AUTS2: variants seen among roughly 807,000 people sequenced by gnomAD.
AUTS2 encodes the protein autism susceptibility gene 2 protein.
In AUTS2, 17 loss-of-function variants were observed where a neutral mutation model predicts 112.4. That is an observed-to-expected ratio of 0.15 (90% CI 0.10 to 0.23). The LOEUF (loss-of-function observed/expected upper bound fraction) is 0.23, where lower values mean the gene tolerates loss of function less well. Ranked by LOEUF, AUTS2 falls within the 10% of genes least tolerant of loss-of-function variation. The pLI is 1.00. For synonymous variants in AUTS2, 751 were observed against 702.7 expected (o/e 1.07, Z -1.09); for missense variants, 1,510 against 1,701.6 (o/e 0.89, Z 1.98).
intron 5 of AUTS2, chr7:70,596,147 GGCGGGCCGGGGCGCTCC>G (rs1374421109): frequency 6.5e-6 from 1 of 152,848 alleles, no homozygotes; most frequent in African/African-American, 2.4e-5. Flanking sequence ...TGAGGAGCGA[GGCGGGCCGGGGCGCTCC>G]GCGGGCCGGG....
At position 69,613,883 on chromosome 7, in the gene AUTS2, A is replaced by G. The variant is rs1474550346; in HGVS notation, c.309+13921A>G. Among the ~76,000 whole-genome samples, 3 of 152,318 alleles carry G rather than the reference A, an allele frequency of 2.0e-5. No homozygotes were observed. The East Asian group carries it at 5.8e-4, about 29-fold the overall frequency. On this transcript the variant is annotated intron_variant, in intron 1 of 18. Transcript: ENST00000342771. ...TTTTCTTGATATCTGTATCTTGAAGATACCAGGTGACAAATAGTCCATTGA... is the reference window on the plus strand; with the variant it reads ...TTTTCTTGATATCTGTATCTTGAAGGTACCAGGTGACAAATAGTCCATTGA...
intron 2 of AUTS2, among the ~76,000 whole-genome samples, chr7:69,994,756 C>T (rs577040841): frequency 6.6e-6 from 1 of 152,316 alleles, no homozygotes; most frequent in African/African-American, 2.4e-5. Context: ...TCCCCAGGTA[C>T]ACTTTCTTGC....
chr7:69,868,025 T>C (rs1793313298), intron 1 of AUTS2, among the ~76,000 whole-genome samples: 2 of 152,220 alleles, frequency 1.3e-5, no homozygotes, highest in South Asian at 4.1e-4. Context: ...CATAGGCATA[T>C]ATTTGAAATA....
At chr7:70,746,304 C>T (rs1246772063) in intron 6 of AUTS2, among the ~76,000 whole-genome samples, 1 of 152,106 alleles carries the variant, frequency 6.6e-6, no homozygotes, top group Admixed American at 6.6e-5. Flanking sequence ...TGCCACCAGG[C>T]TGGGCTGATT....
intron 2 of AUTS2, among the ~76,000 whole-genome samples, chr7:70,034,947 T>G (rs1300064363): frequency 2.6e-5 from 4 of 152,172 alleles, no homozygotes; most frequent in Admixed American, 2.6e-4. Context: ...TCCTCTCACC[T>G]TAGCTTTCCA....
intron 1 of AUTS2, among the ~76,000 whole-genome samples, chr7:69,705,129 A>G (rs757043686): frequency 3.5e-4 from 54 of 152,240 alleles, no homozygotes; most frequent in Non-Finnish European, 6.2e-4. Context: ...GGCCTCCCAC[A>G]GTGTTGGGAT....
intron 5 of AUTS2, among the ~76,000 whole-genome samples, chr7:70,591,640 T>C (rs1371082989): frequency 1.0e-3 from 152 of 152,122 alleles, no homozygotes; most frequent in African/African-American, 3.4e-3. Context: ...CTCAAGTGAT[T>C]CTCCCGCCTC....
intron 5 of AUTS2, among the ~76,000 whole-genome samples, chr7:70,515,819 A>G (rs1799393843): frequency 6.6e-6 from 1 of 152,202 alleles, no homozygotes; most frequent in Non-Finnish European, 1.5e-5. Context: ...AAATGTTAAG[A>G]GGAAACTGTT....
intron 4 of AUTS2, among the ~76,000 whole-genome samples, chr7:70,347,879 C>A (rs1414926473): frequency 3.3e-5 from 5 of 152,184 alleles, no homozygotes. Context: ...AGGACTGTAT[C>A]CTTAAACCAC....
rs143567870 is a variant in AUTS2, at chr7:69,727,329, C to T, written c.309+127367C>T. Among the ~76,000 whole-genome samples the T allele has an allele frequency of 3.3e-3, 509 of 152,268 alleles. 10 individuals carry two copies. In the South Asian group the frequency reaches 0.063, roughly 19 times the overall value. ...CTTGAGGGCCAGGTGCAGTAGCTCA[C>T]ACCTGTAATCCCAGCACTTTGGGGG... On this transcript the variant is annotated intron_variant, in intron 1 of 18. Transcript: ENST00000342771.
intron 1 of AUTS2, among the ~76,000 whole-genome samples, chr7:69,738,719 TG>T (rs1358508582): frequency 6.6e-6 from 1 of 152,134 alleles, no homozygotes; most frequent in African/African-American, 2.4e-5. Context: ...TATTGGTTTG[TG>T]GCAGGCGTGA....
At chr7:70,156,582 T>TA (rs771708111) in intron 4 of AUTS2, among the ~76,000 whole-genome samples, 31 of 152,124 alleles carry the variant, frequency 2.0e-4, no homozygotes, top group Non-Finnish European at 3.8e-4. Flanking sequence ...GACAGTTCCA[T>TA]AACCTATCCT....
intron 4 of AUTS2, among the ~76,000 whole-genome samples, chr7:70,371,277 TCTC>T (rs1585068940): frequency 6.6e-6 from 1 of 152,212 alleles, no homozygotes; most frequent in Non-Finnish European, 1.5e-5. Flanking sequence ...GTTTTTAAAA[TCTC>T]CTCACATGAT....
rs758267868 is a variant in AUTS2 at position 70,663,715 on chromosome 7, G to A, written c.691-34854G>A. Reference sequence around the variant, plus strand: ...TACTAGTGAAAGGCAGGGGTGGCCCGGAAATGGAGTCCTTCACCAGACAGT... The same window carrying A: ...TACTAGTGAAAGGCAGGGGTGGCCCAGAAATGGAGTCCTTCACCAGACAGT... On this transcript the variant is annotated intron_variant, in intron 5 of 18. Transcript: ENST00000342771. Among the ~76,000 whole-genome samples, 14 of 152,032 alleles carry A rather than the reference G, an allele frequency of 9.2e-5. No individual in the cohort carries two copies. The East Asian group carries it at 9.6e-4, about 10-fold the overall frequency.
intron 2 of AUTS2, among the ~76,000 whole-genome samples, chr7:70,050,355 C>CAAAAA (rs60714093): frequency 0.011 from 796 of 72,676 alleles, 21 homozygotes; most frequent in Non-Finnish European, 0.014. Flanking sequence ...GACTCTGTCT[C>CAAAAA]AAAAAAAAAA....
At chr7:70,106,369 C>T (rs1363914107) in intron 2 of AUTS2, among the ~76,000 whole-genome samples, 1 of 152,140 alleles carries the variant, frequency 6.6e-6, no homozygotes, top group Admixed American at 6.5e-5. Flanking sequence ...GGCACACCCC[C>T]TTGCTAACTG....
chr7:70,475,557 T>C (rs1797549537), intron 5 of AUTS2, among the ~76,000 whole-genome samples: 1 of 152,196 alleles, frequency 6.6e-6, no homozygotes. Flanking sequence ...TGTGTTAATT[T>C]TCCCCACAGT....
intron 2 of AUTS2, among the ~76,000 whole-genome samples, chr7:69,980,166 T>C (rs927594670): frequency 6.6e-6 from 1 of 152,212 alleles, no homozygotes; most frequent in African/African-American, 2.4e-5. Flanking sequence ...TGGAATGCAG[T>C]GATGCCACTG....
intron 1 of AUTS2, among the ~76,000 whole-genome samples, chr7:69,814,582 G>T (rs768226526): frequency 6.6e-6 from 1 of 152,216 alleles, no homozygotes; most frequent in African/African-American, 2.4e-5. Flanking sequence ...GTCTGGAGCC[G>T]CTCTAACCCA....
Sources: gnomAD v4.1 joint callset for allele counts (sites outside exome capture counted in the v4.1 genomes callset) on GRCh38, gnomAD v4.1.1 for gene constraint, MANE v1.5 for transcripts, NCBI Gene and HGNC (gene_info 2026-07-23, HGNC 2026-07-21) for gene names.